CEP68: variants seen among roughly 807,000 people sequenced by gnomAD.
The protein encoded by CEP68 is centrosomal protein of 68 kDa.
In CEP68, 26 loss-of-function variants were observed where a neutral mutation model predicts 55.3. The ratio of observed to expected loss-of-function variants is 0.47; its 90% CI spans 0.34 to 0.65. CEP68 has a LOEUF of 0.65. Ranked by LOEUF, CEP68 falls within the 30% of genes least tolerant of loss-of-function variation. The pLI, the probability that CEP68 is intolerant of heterozygous loss-of-function variation, is 0.01. For synonymous variants in CEP68, 402 were observed against 383.2 expected (o/e 1.05, Z -0.57); for missense variants, 957 against 946.7 (o/e 1.01, Z -0.14).
rs745361624 is a variant in CEP68, at chr2:65,071,903, C to A, written c.807C>A (p.Phe269Leu). 6.2e-7 allele frequency: 1 copy of A among 1,612,962 alleles called. No individual in the cohort carries two copies. The highest frequency in any genetic ancestry group is 8.5e-7 in the Non-Finnish European group (1 of 1,179,724). ...GGCTAGGCAGGAGACGCCTCTCCTTCCAGGCTGAGTACTGGGCCTGTGTGC... is the reference window on the plus strand; with the variant it reads ...GGCTAGGCAGGAGACGCCTCTCCTTACAGGCTGAGTACTGGGCCTGTGTGC... Reference protein sequence around the residue: ...ASGLGRRRLSFQAEYWACVLP... With the variant: ...ASGLGRRRLSLQAEYWACVLP... Residue 269 changes from phenylalanine to leucine, a missense_variant, in exon 3 of 7, where the codon TTC (phenylalanine) becomes TTA (leucine). By Grantham distance (22) the Phe-to-Leu change is conservative. Coordinates refer to ENST00000377990, the MANE Select transcript of CEP68 (RefSeq NM_015147.3).
At chr2:65,071,089 C>T (rs1676437956) in intron 2 of CEP68, 2 of 263,794 alleles carry the variant, frequency 7.6e-6, no homozygotes, top group African/African-American at 2.2e-5. Flanking sequence ...GTCCTGTTAG[C>T]GACAGAGTGA....
Position 65,072,144 on chromosome 2 carries a change from CCTA to C in CEP68, c.1052_1054del (p.Thr351del), listed in dbSNP as rs751369911. 3 of 1,614,096 alleles carry C rather than the reference CCTA, an allele frequency of 1.9e-6. No individual in the cohort carries two copies. The highest frequency in any genetic ancestry group is 2.5e-6 in the Non-Finnish European group (3 of 1,180,004). ...CTCTCCAGCAAGCACCCTCAAATCA[CCTA>C]CTAATGTCTCCCCCAACTGCCCACC... is the stretch of plus-strand genomic sequence containing the variant. On this transcript the variant is annotated inframe_deletion, in exon 3 of 7. Coordinates refer to ENST00000377990, the MANE Select transcript of CEP68 (RefSeq NM_015147.3).
At chr2:65,065,802 A>C (rs1676134951) in intron 1 of CEP68, among the ~76,000 whole-genome samples, 1 of 151,948 alleles carries the variant, frequency 6.6e-6, no homozygotes, top group Admixed American at 6.6e-5. Flanking sequence ...AACCCCATAC[A>C]AAAATTAGTC....
rs757294495 is a variant in CEP68 at position 65,082,654 on chromosome 2, C to G, written c.2223C>G (p.Ile741Met). 5 of 1,610,542 alleles carry G rather than the reference C, an allele frequency of 3.1e-6. No homozygotes were observed. The highest frequency in any genetic ancestry group is 2.2e-5 in the East Asian group (1 of 44,646). ...SLDMLAGCTL[I>M]PDKKPMAAME... ...ACATGCTGGCTGGCTGCACCCTTAT[C>G]CCTGACAAAAAGCCCATGGCGGCAA... is the stretch of plus-strand genomic sequence containing the variant. Residue 741 changes from isoleucine (I) to methionine (M), a missense_variant, in exon 6 of 7, where the codon ATC becomes ATG. By Grantham distance (10) the Ile-to-Met change is conservative. Transcript: ENST00000377990.
At chr2:65,067,346 CTCTA>C (rs1246762903) in intron 1 of CEP68, among the ~76,000 whole-genome samples, 5 of 152,118 alleles carry the variant, frequency 3.3e-5, no homozygotes, top group African/African-American at 9.7e-5. Context: ...CACCGCTGAA[CTCTA>C]TCTAGCCTGG....
rs1174347521 is a variant in CEP68, at chr2:65,072,583, T to A, written c.1487T>A (p.Val496Asp). The A allele has an allele frequency of 3.7e-6, 6 of 1,613,944 alleles. No homozygotes were observed. The highest frequency in any genetic ancestry group is 5.1e-6 in the Non-Finnish European group (6 of 1,179,996). Residue 496 changes from valine (V) to aspartate (D), a missense_variant, in exon 3 of 7, where the codon GTT becomes GAT. Coordinates refer to ENST00000377990, the MANE Select transcript of CEP68 (RefSeq NM_015147.3). ...CGGCTGACACAGGTTTCTAGCCTGG[T>A]TTCGTATCTAGGATCCATTTCTACC... ...PARLTQVSSL[V>D]SYLGSISTLV...
intron 1 of CEP68, among the ~76,000 whole-genome samples, chr2:65,066,726 C>CAAAAAAA (rs869096839): frequency 9.3e-5 from 4 of 43,228 alleles, no homozygotes; most frequent in Non-Finnish European, 1.3e-4. Flanking sequence ...GACTCTGTCT[C>CAAAAAAA]AAAAAAAAAA....
intron 5 of CEP68, among the ~76,000 whole-genome samples, chr2:65,078,969 C>T (rs984840624): frequency 6.6e-6 from 1 of 152,154 alleles, no homozygotes; most frequent in Admixed American, 6.5e-5. Context: ...AGGACGAGGG[C>T]ATGGGGGATG....
intron 2 of CEP68, 76 bp downstream of exon 2, chr2:65,069,877 T>A (rs1676377375): frequency 1.6e-6 from 2 of 1,265,952 alleles, no homozygotes; most frequent in Non-Finnish European, 2.3e-6. Context: ...CTCACCATCT[T>A]GCATCCTTTC....
chr2:65,059,357 T>C (rs1675803649), intron 1 of CEP68, among the ~76,000 whole-genome samples: 1 of 152,146 alleles, frequency 6.6e-6, no homozygotes. Context: ...GGCATATTGG[T>C]TTCTCTTAAA....
In CEP68 at chr2:65,082,719, G is replaced by A. The variant is rs1284948300; in HGVS notation, c.*4+10G>A. 4 of 1,531,742 alleles carry A rather than the reference G, an allele frequency of 2.6e-6. No homozygotes were observed. In the Admixed American group the frequency reaches 6.8e-5, roughly 26 times the overall value. 94.9% of individuals were successfully genotyped at this position (1,531,742 alleles called of 1,614,324 possible). On this transcript the variant is annotated intron_variant, in intron 6 of 6. Coordinates refer to ENST00000377990, the MANE Select transcript of CEP68 (RefSeq NM_015147.3). ...GAAGGGGTTTAACCTGGTAAGTGGA[G>A]GAACTCAAAAAGAAAATTTGCCCAC... is the stretch of plus-strand genomic sequence containing the variant.
intron 4 of CEP68, among the ~76,000 whole-genome samples, chr2:65,075,993 G>C (rs1052072858): frequency 4.0e-5 from 6 of 151,728 alleles, no homozygotes; most frequent in African/African-American, 9.7e-5. Flanking sequence ...TGGGCAGGCT[G>C]GGCCAGCTGC....
At chr2:65,071,308 G>A (rs894548233) in intron 2 of CEP68, 146 bp from the exon 3 acceptor site, 3 of 661,992 alleles carry the variant, frequency 4.5e-6, no homozygotes, top group Non-Finnish European at 7.7e-6. Flanking sequence ...ATATTGCCTG[G>A]TTCTTGCCTC....
At position 65,085,599 on chromosome 2, in the gene CEP68, G is replaced by A. The variant is rs984247278; in HGVS notation, c.*1965G>A. The A allele has an allele frequency of 2.0e-5, 3 of 152,268 alleles. No homozygotes were observed. Among genetic ancestry groups the A allele is most frequent in the African/African-American group, 7.2e-5 (3 of 41,438 alleles). The allele number at this position is 152,268 out of a possible 1,614,324, so 9.4% of individuals were successfully genotyped here. ...CGAGGCGGGTGGATCACAAGGTCAG[G>A]AGATCGAGACCATCCTGGCTAACAC... On this transcript the variant is annotated 3_prime_UTR_variant, in exon 7 of 7. Transcript: ENST00000377990.
intron 2 of CEP68, chr2:65,071,211 A>G: frequency 1.8e-6 from 1 of 541,478 alleles, no homozygotes; most frequent in East Asian, 3.1e-5. Context: ...ATACCTGTGG[A>G]GGAAGGAAGA....
chr2:65,067,469 C>G (rs1676251661), intron 1 of CEP68, among the ~76,000 whole-genome samples: 2 of 151,966 alleles, frequency 1.3e-5, no homozygotes, highest in South Asian at 4.2e-4. Flanking sequence ...AGGCTGGTTC[C>G]CTGATTTTGT....
chr2:65,069,304 C>A, intron 1 of CEP68, 95 bp from the exon 2 acceptor site: 1 of 702,420 alleles, frequency 1.4e-6, no homozygotes, highest in Non-Finnish European at 2.3e-6. Context: ...TTTTCTTTGA[C>A]CAAAAATATG....
intron 5 of CEP68, among the ~76,000 whole-genome samples, 160 bp downstream of exon 5, chr2:65,078,124 G>A (rs917027685): frequency 2.6e-5 from 4 of 152,090 alleles, no homozygotes; most frequent in Non-Finnish European, 5.9e-5. Context: ...TCCACGCGTC[G>A]CTGCCCATCA....
chr2:65,060,761 C>T (rs576819165), intron 1 of CEP68, among the ~76,000 whole-genome samples: 9 of 152,240 alleles, frequency 5.9e-5, no homozygotes, highest in African/African-American at 2.2e-4. Context: ...CATCCTTGTA[C>T]ATTGAGCTTT....
Sources: allele counts gnomAD v4.1 joint callset (sites outside exome capture counted in the v4.1 genomes callset), GRCh38; gene constraint gnomAD v4.1.1; transcripts MANE v1.5; gene names NCBI Gene and HGNC (gene_info 2026-07-23, HGNC 2026-07-21).